Variants in NF1 observed in about 807,000 individuals in gnomAD.
NF1 encodes the protein neurofibromin.
In NF1, 122 loss-of-function variants were observed where a neutral mutation model predicts 325.7. The ratio of observed to expected loss-of-function variants is 0.37; its 90% CI spans 0.32 to 0.44. The LOEUF (loss-of-function observed/expected upper bound fraction) is 0.44. Ranked by LOEUF, NF1 falls within the 20% of genes least tolerant of loss-of-function variation. The pLI is 1.00. For synonymous variants in NF1, 1,091 were observed against 1,186.0 expected (o/e 0.92, Z 1.65); for missense variants, 2,140 against 3,415.4 (o/e 0.63, Z 9.31).
At chr17:31,198,274 T>A (rs1739596400) in intron 8 of NF1, among the ~76,000 whole-genome samples, 1 of 152,120 alleles carries the variant, frequency 6.6e-6, no homozygotes, top group Admixed American at 6.6e-5. Flanking sequence ...ATCGGTAATG[T>A]TGGACCATAG....
chr17:31,131,545 G>C (rs1033479880), intron 1 of NF1, among the ~76,000 whole-genome samples: 2 of 152,170 alleles, frequency 1.3e-5, no homozygotes, highest in African/African-American at 4.8e-5. Flanking sequence ...CAGTCATCCT[G>C]ATCCTCTGGG....
chr17:31,261,333 A>G (rs549941091), intron 34 of NF1, among the ~76,000 whole-genome samples: 1 of 152,298 alleles, frequency 6.6e-6, no homozygotes, highest in Admixed American at 6.5e-5. Flanking sequence ...CTTGTGTAAC[A>G]TAAATTACTT....
At position 31,259,187 on chromosome 17, in the gene NF1, C is replaced by T. The variant is rs1202690372; in HGVS notation, c.4430+58C>T. 5.8e-6 allele frequency: 7 copies of T among 1,214,812 alleles called. No individual in the cohort carries two copies. The Admixed American group carries it at 1.2e-4, about 20-fold the overall frequency. 75.3% of individuals were successfully genotyped at this position (1,214,812 alleles called of 1,614,324 possible). A position where few individuals can be genotyped will look rare whatever the true frequency, so the allele number is the denominator to read the frequency against. On this transcript the variant is annotated intron_variant, in intron 33 of 57. Coordinates refer to ENST00000358273, the MANE Select transcript of NF1 (RefSeq NM_001042492.3). ...TTTGAATCAAATATTTTCGGTTTCACATAAATCCATGTACCTGTTTTACAT... is the reference window on the plus strand; with the variant it reads ...TTTGAATCAAATATTTTCGGTTTCATATAAATCCATGTACCTGTTTTACAT...
chr17:31,316,427 C>G (rs892737458), intron 36 of NF1, among the ~76,000 whole-genome samples: 2 of 152,120 alleles, frequency 1.3e-5, no homozygotes, highest in African/African-American at 4.8e-5. Context: ...TTTAAATATT[C>G]TTTTAAATAT....
chr17:31,179,588 G>T (rs145235231), intron 5 of NF1, among the ~76,000 whole-genome samples: 1 of 151,922 alleles, frequency 6.6e-6, no homozygotes, highest in Non-Finnish European at 1.5e-5. Flanking sequence ...GTGATCCGCC[G>T]CCTTGGCCTC....
intron 16 of NF1, among the ~76,000 whole-genome samples, chr17:31,224,172 A>G (rs1247317913): frequency 1.3e-5 from 2 of 152,116 alleles, no homozygotes; most frequent in Non-Finnish European, 2.9e-5. Context: ...AAATATCAGG[A>G]GACTTTTTCA....
intron 30 of NF1, chr17:31,250,174 C>G (rs188671300): frequency 2.0e-4 from 68 of 331,936 alleles, no homozygotes; most frequent in Non-Finnish European, 3.6e-4. Flanking sequence ...CTTAATTTAT[C>G]ATGACTTTTC....
At chr17:31,308,106 T>C in intron 36 of NF1, 1 of 264,180 alleles carries the variant, frequency 3.8e-6, no homozygotes, top group Non-Finnish European at 7.8e-6. Context: ...ACTGCCTTGC[T>C]TGAGGGTTTA....
chr17:31,263,125 A>AGATAGATAGATAGATAGAT lies in NF1; in HGVS notation c.4724+1268_4724+1269insGATAGATAGATAGATAGAT, dbSNP rs78971065. ...TAGGTAGGTAGATAGATAGATAGAT[A>AGATAGATAGATAGATAGAT]AGATAAGATAAGATAAGATAGATAA... On this transcript the variant is annotated intron_variant, in intron 35 of 57. Transcript: ENST00000358273. Among the ~76,000 whole-genome samples, 117 of 143,196 alleles carry AGATAGATAGATAGATAGAT rather than the reference A, an allele frequency of 8.2e-4. 1 individual carries two copies. Among genetic ancestry groups the AGATAGATAGATAGATAGAT allele is most frequent in the Non-Finnish European group, 1.0e-3 (67 of 66,782 alleles). 93.9% of individuals were successfully genotyped at this position (143,196 alleles called of 152,430 possible).
chr17:31,334,739 CTT>C, intron 39 of NF1, 97 bp from the exon 40 acceptor site: 2 of 960,618 alleles, frequency 2.1e-6, no homozygotes, highest in Non-Finnish European at 3.3e-6. Context: ...AGGTAATAGT[CTT>C]TACCTTTTAC....
At chr17:31,294,818 A>C in intron 36 of NF1, 1 of 670,776 alleles carries the variant, frequency 1.5e-6, no homozygotes, top group Non-Finnish European at 2.5e-6. Context: ...GTAAAATAGC[A>C]GCAAGTACCA....
chr17:31,369,644 T>A (rs1050512480), intron 57 of NF1, among the ~76,000 whole-genome samples: 4 of 152,212 alleles, frequency 2.6e-5, no homozygotes, highest in Admixed American at 1.3e-4. Flanking sequence ...GCAAAAGAGA[T>A]ACCAGAATAC....
chr17:31,356,151 T>TTATC (rs1279775080), intron 51 of NF1: 1 of 302,598 alleles, frequency 3.3e-6, no homozygotes, highest in Admixed American at 4.6e-5. Flanking sequence ...ATTGCATTTA[T>TTATC]TATCAGTTAT....
At chr17:31,230,789 G>A in intron 23 of NF1, 53 bp from the exon 24 acceptor site, 1 of 1,313,540 alleles carries the variant, frequency 7.6e-7, no homozygotes, top group African/African-American at 1.5e-5. Context: ...AAAGGTGTGT[G>A]TGTGGCTTCA....
chr17:31,353,689 T>C (rs1162742539), intron 51 of NF1, among the ~76,000 whole-genome samples: 1 of 152,198 alleles, frequency 6.6e-6, no homozygotes, highest in Non-Finnish European at 1.5e-5. Context: ...GTTCTTGCAT[T>C]CCATTGGGTA....
intron 36 of NF1, chr17:31,299,707 A>G (rs1030448670): frequency 1.3e-5 from 2 of 152,130 alleles, no homozygotes; most frequent in African/African-American, 2.4e-5. Context: ...AGAGTACTCA[A>G]TAAAGTACTT....
intron 36 of NF1, among the ~76,000 whole-genome samples, chr17:31,269,749 C>G (rs1007915045): frequency 3.9e-5 from 6 of 152,242 alleles, no homozygotes; most frequent in South Asian, 2.1e-4. Context: ...CTTAACAATC[C>G]CAGAGGAAAA....
chr17:31,316,127 C>T (rs1453801893), intron 36 of NF1, among the ~76,000 whole-genome samples: 1 of 152,108 alleles, frequency 6.6e-6, no homozygotes, highest in Non-Finnish European at 1.5e-5. Context: ...CCTCAAACTC[C>T]TGGCCTCAGG....
In NF1 at chr17:31,357,066, C is replaced by T. The variant is rs876659117; in HGVS notation, c.7845C>T (p.Ile2615=). Residue 2615 remains isoleucine (I), a synonymous_variant, in exon 53 of 58, where the codon ATC becomes ATT. Transcript: ENST00000358273. ...AAGAAGTACTTACTGATCCGAAGAT[C>T]CAGGCGCTGCTTCTTACTGTTCTAG... is the stretch of plus-strand genomic sequence containing the variant. The part of the protein sequence containing the change: ...LDEEVLTDPK[I]QALLLTVLAT... 4 of 1,613,612 alleles carry T rather than the reference C, an allele frequency of 2.5e-6. No homozygotes were observed. Among genetic ancestry groups the T allele is most frequent in the African/African-American group, 1.3e-5 (1 of 74,906 alleles).
Sources: allele counts gnomAD v4.1 joint callset (sites outside exome capture counted in the v4.1 genomes callset), GRCh38; gene constraint gnomAD v4.1.1; transcripts MANE v1.5; gene names NCBI Gene and HGNC (gene_info 2026-07-23, HGNC 2026-07-21).